NRG3: variants seen among roughly 807,000 people sequenced by gnomAD.
NRG3 encodes the protein neuregulin 3, also known as pro-neuregulin-3, membrane-bound isoform.
Under a neutral mutation model 66.9 loss-of-function variants are expected in NRG3, and 31 were observed. The ratio of observed to expected loss-of-function variants is 0.46; its 90% confidence interval spans 0.35 to 0.63. NRG3 has a LOEUF of 0.63. Ranked by LOEUF, NRG3 falls within the 20% of genes least tolerant of loss-of-function variation. The pLI, the probability that NRG3 is intolerant of heterozygous loss-of-function variation, is 0.00. For missense variants in NRG3, 910 were observed against 878.9 expected, an observed-to-expected ratio of 1.04 and a Z score of -0.45; for synonymous variants, 393 against 359.4, an observed-to-expected ratio of 1.09 and a Z score of -1.06.
intron 2 of NRG3, among the ~76,000 whole-genome samples, chr10:82,602,611 T>A (rs1292575347): frequency 6.6e-6 from 1 of 152,130 alleles, no homozygotes; most frequent in African/African-American, 2.4e-5. Context: ...AATATGAAAA[T>A]GTATGAAATA....
intron 4 of NRG3, among the ~76,000 whole-genome samples, chr10:82,928,614 T>TTTG (rs1212751442): frequency 1.7e-5 from 2 of 114,840 alleles, no homozygotes; most frequent in African/African-American, 6.0e-5. Flanking sequence ...ATCAGCAGGT[T>TTTG]TTTTTTTTTT....
intron 3 of NRG3, among the ~76,000 whole-genome samples, chr10:82,846,858 G>A (rs773518066): frequency 2.0e-5 from 3 of 152,270 alleles, no homozygotes; most frequent in African/African-American, 7.2e-5. Flanking sequence ...TACAAAATAC[G>A]CACCTACTAT....
chr10:82,439,155 A>G (rs568555825), intron 2 of NRG3, among the ~76,000 whole-genome samples: 2 of 152,166 alleles, frequency 1.3e-5, no homozygotes, highest in South Asian at 4.1e-4. Flanking sequence ...CTTTTTCTCC[A>G]GCATTTTTTT....
chr10:82,974,059 C>T, intron 7 of NRG3, 144 bp downstream of exon 7: 1 of 851,348 alleles, frequency 1.2e-6, no homozygotes, highest in Non-Finnish European at 1.8e-6. Flanking sequence ...AATGCTCAAA[C>T]ACCTCACATC....
In NRG3 at chr10:82,414,186, A is replaced by G. The variant is rs563492114; in HGVS notation, c.953+55318A>G. Among the ~76,000 whole-genome samples the G allele has an allele frequency of 3.3e-5, 5 of 152,244 alleles. No homozygotes were observed. In the South Asian group the frequency reaches 8.3e-4, roughly 25 times the overall value. On this transcript the variant is annotated intron_variant, in intron 2 of 8. Coordinates refer to ENST00000372141, the MANE Select transcript of NRG3 (RefSeq NM_001010848.4). ...CAGCATTAGGTTAAAAGTGAGAGAG[A>G]ATGTGACTCTTCCTTTTGCTTGCTC...
chr10:82,713,242 G>A (rs951987397), intron 2 of NRG3, among the ~76,000 whole-genome samples: 4 of 152,020 alleles, frequency 2.6e-5, no homozygotes, highest in Non-Finnish European at 5.9e-5. Context: ...AATGACTTGG[G>A]GATTTGCTCT....
chr10:82,463,711 C>T (rs2131989244), intron 2 of NRG3, among the ~76,000 whole-genome samples: 1 of 152,324 alleles, frequency 6.6e-6, no homozygotes, highest in Middle Eastern at 3.4e-3. Context: ...GCAGCTACCA[C>T]ATGGCAGAGA....
chr10:82,251,936 G>A (rs550590158), intron 1 of NRG3, among the ~76,000 whole-genome samples: 14 of 126 alleles, frequency 0.11, no homozygotes, highest in Non-Finnish European at 0.17. Flanking sequence ...CAATGGTGTG[G>A]GGTGAGGGCA....
intron 1 of NRG3, among the ~76,000 whole-genome samples, chr10:82,204,565 C>T (rs372071328): frequency 1.8e-4 from 27 of 152,172 alleles, no homozygotes; most frequent in South Asian, 4.1e-4. Flanking sequence ...AAGTGGCATT[C>T]GCTGTACAAC....
intron 2 of NRG3, among the ~76,000 whole-genome samples, chr10:82,498,089 G>GT (rs1564992862): frequency 2.6e-4 from 39 of 148,426 alleles, no homozygotes; most frequent in African/African-American, 8.3e-4. Flanking sequence ...TGAGTTATTT[G>GT]GTTTTTTTTT....
At chr10:82,403,447 A>G (rs1180882242) in intron 2 of NRG3, among the ~76,000 whole-genome samples, 1 of 152,146 alleles carries the variant, frequency 6.6e-6, no homozygotes, top group African/African-American at 2.4e-5. Flanking sequence ...AGAATTAACA[A>G]TATTCCACTA....
Position 82,349,593 on chromosome 10 carries a change from C to A in NRG3, c.824-9146C>A, listed in dbSNP as rs2083277537. Among the ~76,000 whole-genome samples, 3 of 151,940 alleles carry A rather than the reference C, an allele frequency of 2.0e-5. No individual in the cohort carries two copies. In the South Asian group the frequency reaches 6.2e-4, roughly 32 times the overall value. On this transcript the variant is annotated intron_variant, in intron 1 of 8. Coordinates refer to ENST00000372141, the MANE Select transcript of NRG3 (RefSeq NM_001010848.4). ...CTCCTTGAGCTGTGGTGGGCTCCAC[C>A]CAGTTCGAGCTTCCCGGCTGCTTTG...
chr10:82,678,660 C>T (rs1386327326), intron 2 of NRG3, among the ~76,000 whole-genome samples: 1 of 152,088 alleles, frequency 6.6e-6, no homozygotes, highest in Non-Finnish European at 1.5e-5. Context: ...ACCCGACGGT[C>T]GCCTGACATT....
chr10:82,346,637 A>T lies in NRG3; in HGVS notation c.824-12102A>T, dbSNP rs1481447387. Among the ~76,000 whole-genome samples, 17 of 151,518 alleles carry T rather than the reference A, an allele frequency of 1.1e-4. No homozygotes were observed. In the East Asian group the frequency reaches 3.1e-3, roughly 28 times the overall value. ...ATTGATTGGAATAGTTTCAGAAGGA[A>T]TGGTACCAGTTCCTCCTTGTACCTC... On this transcript the variant is annotated intron_variant, in intron 1 of 8. Coordinates refer to ENST00000372141, the MANE Select transcript of NRG3 (RefSeq NM_001010848.4).
At chr10:82,215,934 C>T (rs867751909) in intron 1 of NRG3, among the ~76,000 whole-genome samples, 5 of 132,950 alleles carry the variant, frequency 3.8e-5, no homozygotes, top group Admixed American at 1.5e-4. Flanking sequence ...AGGAAAAATT[C>T]GTGGTTTGTT....
intron 1 of NRG3, among the ~76,000 whole-genome samples, chr10:82,005,637 G>A (rs77185447): frequency 0.018 from 2,711 of 152,092 alleles, 108 homozygotes; most frequent in East Asian, 0.14. Flanking sequence ...CCTTTTTTCT[G>A]CAATGCTTTT....
chr10:82,427,329 C>T (rs1465084766), intron 2 of NRG3, among the ~76,000 whole-genome samples: 4 of 152,076 alleles, frequency 2.6e-5, no homozygotes, highest in Non-Finnish European at 5.9e-5. Context: ...ATAAACGCTC[C>T]TTATGAGTGT....
At position 82,634,330 on chromosome 10, in the gene NRG3, T is replaced by C. The variant is rs192985292; in HGVS notation, c.954-104247T>C. Among the ~76,000 whole-genome samples the C allele has an allele frequency of 1.3e-3, 198 of 152,264 alleles. 4 individuals are homozygous for C. Among genetic ancestry groups the C allele is most frequent in the Admixed American group, 0.012 (177 of 15,298 alleles). ...ACAAGGCAAGGCTTGATAATGTACA[T>C]GTACACATGTGTTTATGTATACAGT... is the stretch of plus-strand genomic sequence containing the variant. On this transcript the variant is annotated intron_variant, in intron 2 of 8. Coordinates refer to ENST00000372141, the MANE Select transcript of NRG3 (RefSeq NM_001010848.4).
At chr10:82,266,856 C>T (rs569339594) in intron 1 of NRG3, among the ~76,000 whole-genome samples, 95 of 152,276 alleles carry the variant, frequency 6.2e-4, no homozygotes, top group African/African-American at 2.1e-3. Context: ...GGTTATGGAT[C>T]CTGAATTTCT....
Sources: gnomAD v4.1 joint callset for allele counts (sites outside exome capture counted in the v4.1 genomes callset) on GRCh38, gnomAD v4.1.1 for gene constraint, MANE v1.5 for transcripts, NCBI Gene and HGNC (gene_info 2026-07-23, HGNC 2026-07-21) for gene names.